The following ANO6 variants were observed in gnomAD, a reference collection of about 807,000 sequenced individuals.
ANO6 encodes anoctamin 6, also known as anoctamin-6.
A neutral mutation model predicts 117.5 loss-of-function variants in ANO6; 106 were observed. That is an observed-to-expected ratio of 0.90 (90% CI 0.77 to 1.06). The LOEUF is 1.06. Ranked by LOEUF, ANO6 falls within the 50% of genes least tolerant of loss-of-function variation. ANO6 has a pLI of 0.00. For synonymous variants in ANO6, 367 were observed against 385.1 expected (o/e 0.95, Z 0.55); for missense variants, 955 against 1,121.1 (o/e 0.85, Z 2.12).
rs1271289506 is a variant in ANO6 at position 45,431,773 on chromosome 12, G to A, written c.*2462G>A. Reference sequence around the variant, plus strand: ...AGGCAGCAGCCCTGGGGAAATTGATGGGTGTGGCAGTGGACCTGTGAAGAG... The same window carrying A: ...AGGCAGCAGCCCTGGGGAAATTGATAGGTGTGGCAGTGGACCTGTGAAGAG... On this transcript the variant is annotated 3_prime_UTR_variant, in exon 20 of 20. Coordinates refer to ENST00000320560, the MANE Select transcript of ANO6 (RefSeq NM_001025356.3). The A allele has an allele frequency of 1.4e-5, 14 of 985,340 alleles. No homozygotes were observed. Among genetic ancestry groups the A allele is most frequent in the Admixed American group, 1.2e-4 (2 of 16,264 alleles). The allele number at this position is 985,340 out of a possible 1,614,324, so 61.0% of individuals were successfully genotyped here. A position where few individuals can be genotyped will look rare whatever the true frequency, so the allele number is the denominator to read the frequency against.
chr12:45,228,680 C>T (rs561013146), intron 1 of ANO6, among the ~76,000 whole-genome samples: 3 of 152,142 alleles, frequency 2.0e-5, no homozygotes, highest in Non-Finnish European at 2.9e-5. Flanking sequence ...GCTCACTGTT[C>T]GCTAGTGGGA....
chr12:45,408,671 T>C (rs1201649545), intron 15 of ANO6, among the ~76,000 whole-genome samples: 1 of 152,150 alleles, frequency 6.6e-6, no homozygotes, highest in East Asian at 1.9e-4. Flanking sequence ...TTATGTCACT[T>C]TCCTACTTGG....
intron 1 of ANO6, among the ~76,000 whole-genome samples, chr12:45,217,819 A>G (rs3759080): frequency 0.18 from 27,152 of 152,158 alleles, 3,888 homozygotes; most frequent in African/African-American, 0.38. Flanking sequence ...AATAAAATTG[A>G]CACAGTCTGT....
Position 45,348,316 on chromosome 12 carries a change from G to T in ANO6, c.633+1G>T, listed in dbSNP as rs760731036. ...CAATCCAGCCACCAGAAGCCGCATT[G>T]TAAGTCTAAACCAAATTTAGTTGCT... On this transcript the variant is annotated splice_donor_variant, in intron 5 of 19. Coordinates refer to ENST00000320560, the MANE Select transcript of ANO6 (RefSeq NM_001025356.3). LOFTEE classifies it high-confidence loss of function. 4 of 1,613,914 alleles carry T rather than the reference G, an allele frequency of 2.5e-6. No individual in the cohort carries two copies. The South Asian group carries it at 4.4e-5, about 18-fold the overall frequency.
intron 1 of ANO6, among the ~76,000 whole-genome samples, chr12:45,282,212 A>G (rs1161724751): frequency 6.6e-6 from 1 of 152,238 alleles, no homozygotes; most frequent in Non-Finnish European, 1.5e-5. Flanking sequence ...TGAGTCTGAG[A>G]TGCCTGGGAC....
intron 1 of ANO6, among the ~76,000 whole-genome samples, chr12:45,273,141 G>GA (rs1938442342): frequency 6.6e-6 from 1 of 152,104 alleles, no homozygotes; most frequent in Admixed American, 6.5e-5. Context: ...ATTGCCGGGG[G>GA]GCTGGGGGAA....
intron 1 of ANO6, among the ~76,000 whole-genome samples, chr12:45,254,599 A>T (rs1249266542): frequency 2.0e-5 from 3 of 152,228 alleles, no homozygotes; most frequent in African/African-American, 7.2e-5. Flanking sequence ...AGTTAAGTAC[A>T]GTTTAGTTTG....
chr12:45,270,729 G>A (rs925459797), intron 1 of ANO6, among the ~76,000 whole-genome samples: 1 of 152,068 alleles, frequency 6.6e-6, no homozygotes, highest in African/African-American at 2.4e-5. Context: ...CTATATGCAT[G>A]CTTCAGAAAA....
chr12:45,411,435 T>C (rs1943083471), intron 16 of ANO6, among the ~76,000 whole-genome samples: 1 of 152,226 alleles, frequency 6.6e-6, no homozygotes, highest in South Asian at 2.1e-4. Context: ...AGGCAGTCTG[T>C]CACTGTGTGG....
intron 2 of ANO6, among the ~76,000 whole-genome samples, chr12:45,310,304 A>G (rs1939807500): frequency 6.6e-6 from 1 of 152,110 alleles, no homozygotes; most frequent in East Asian, 1.9e-4. Context: ...AATTTAACTC[A>G]GAAGGCTAAC....
At chr12:45,319,482 G>T (rs1592959315) in intron 2 of ANO6, among the ~76,000 whole-genome samples, 1 of 152,320 alleles carries the variant, frequency 6.6e-6, no homozygotes, top group South Asian at 2.1e-4. Context: ...GATCACAGTG[G>T]ATAAGCTTTT....
chr12:45,290,879 T>C (rs1266654973), intron 1 of ANO6, among the ~76,000 whole-genome samples: 2 of 152,128 alleles, frequency 1.3e-5, no homozygotes, highest in Non-Finnish European at 2.9e-5. Flanking sequence ...TGGGTTCTGA[T>C]TTCAAAACTT....
chr12:45,344,847 A>G (rs1179204563), intron 3 of ANO6, among the ~76,000 whole-genome samples: 1 of 152,196 alleles, frequency 6.6e-6, no homozygotes, highest in African/African-American at 2.4e-5. Flanking sequence ...AATGAATCTG[A>G]GTCAACTTTC....
chr12:45,301,891 T>A (rs1467541039), intron 1 of ANO6, 123 bp from the exon 2 acceptor site: 6 of 800,524 alleles, frequency 7.5e-6, no homozygotes, highest in Non-Finnish European at 4.3e-6. Flanking sequence ...AAGGGTTAAA[T>A]AATATAAACC....
intron 12 of ANO6, among the ~76,000 whole-genome samples, chr12:45,399,540 C>G (rs754090641): frequency 6.6e-6 from 1 of 152,160 alleles, no homozygotes; most frequent in African/African-American, 2.4e-5. Context: ...TGAAGCTTCT[C>G]TTTCCCATGG....
intron 2 of ANO6, among the ~76,000 whole-genome samples, chr12:45,330,556 C>T (rs1358065962): frequency 2.0e-5 from 3 of 152,134 alleles, no homozygotes; most frequent in Non-Finnish European, 4.4e-5. Context: ...TTCTATCCAA[C>T]TCCATATGTT....
intron 2 of ANO6, among the ~76,000 whole-genome samples, chr12:45,315,254 A>G (rs1000047231): frequency 6.6e-6 from 1 of 152,086 alleles, no homozygotes; most frequent in African/African-American, 2.4e-5. Context: ...TGTAATTTCA[A>G]TAGCCATGTG....
chr12:45,284,333 T>C (rs1379299041), intron 1 of ANO6, among the ~76,000 whole-genome samples: 1 of 151,990 alleles, frequency 6.6e-6, no homozygotes, highest in African/African-American at 2.4e-5. Flanking sequence ...GCCAGAATCT[T>C]ATGGCCAGAA....
chr12:45,307,720 G>A (rs751223700), intron 2 of ANO6, among the ~76,000 whole-genome samples: 9 of 152,046 alleles, frequency 5.9e-5, no homozygotes, highest in Admixed American at 6.6e-5. Flanking sequence ...GACTGAGCCC[G>A]GGGGCACCAG....
Sources: gnomAD v4.1 joint callset for allele counts (sites outside exome capture counted in the v4.1 genomes callset) on GRCh38, gnomAD v4.1.1 for gene constraint, MANE v1.5 for transcripts, NCBI Gene and HGNC (gene_info 2026-07-23, HGNC 2026-07-21) for gene names.